MACROD2: variants seen among roughly 807,000 people sequenced by gnomAD.
MACROD2 encodes mono-ADP ribosylhydrolase 2.
A neutral mutation model predicts 70.4 loss-of-function variants in MACROD2; 36 were observed. The ratio of observed to expected loss-of-function variants is 0.51; its 90% CI spans 0.39 to 0.68. The LOEUF (loss-of-function observed/expected upper bound fraction) is 0.68, where lower values mean the gene tolerates loss of function less well. Among genes scored for constraint, MACROD2 ranks in the 30% least tolerant of loss-of-function variants. MACROD2 has a pLI of 0.00. For synonymous variants in MACROD2, 172 were observed against 178.8 expected, an observed-to-expected ratio of 0.96 and a Z score of 0.30; for missense variants, 496 against 538.4, an observed-to-expected ratio of 0.92 and a Z score of 0.78.
chr20:15,811,469 C>T (rs1250893841), intron 8 of MACROD2, among the ~76,000 whole-genome samples: 2 of 152,164 alleles, frequency 1.3e-5, no homozygotes, highest in Admixed American at 1.3e-4. Flanking sequence ...TTAAGTAGCT[C>T]CCCTGTATTC....
In MACROD2 at chr20:15,145,207, C is replaced by T. The variant is rs559089449; in HGVS notation, c.419-84733C>T. 3.9e-5 allele frequency among the ~76,000 whole-genome samples: 6 copies of T among 152,214 alleles called. No individual in the cohort carries two copies. In the East Asian group the frequency reaches 7.7e-4, roughly 20 times the overall value. On this transcript the variant is annotated intron_variant, in intron 5 of 17. Coordinates refer to ENST00000684519, the MANE Select transcript of MACROD2 (RefSeq NM_001351661.2). ...TTCACAGATGACATTTGGTGGTCAA[C>T]GCTATGCTTCCTCATACTGATTTGG...
chr20:15,679,244 A>C (rs1215682019), intron 8 of MACROD2, among the ~76,000 whole-genome samples: 1 of 151,724 alleles, frequency 6.6e-6, no homozygotes, highest in Non-Finnish European at 1.5e-5. Context: ...CTCAAAAAAA[A>C]AAAAAAAAAG....
chr20:14,021,745 T>G (rs569359103), intron 2 of MACROD2, among the ~76,000 whole-genome samples: 45 of 152,352 alleles, frequency 3.0e-4, no homozygotes, highest in African/African-American at 1.1e-3. Flanking sequence ...CAATAAAGTT[T>G]ATTTCTAGTT....
Position 15,907,627 on chromosome 20 carries a change from CAT to C in MACROD2, c.775+21817_775+21818del, listed in dbSNP as rs376126432. Among the ~76,000 whole-genome samples the C allele has an allele frequency of 1.2e-3, 182 of 152,310 alleles. 1 individual carries two copies. The highest frequency in any genetic ancestry group is 4.3e-3 in the African/African-American group (177 of 41,558). ...TTTTTATTGTAAGTGTTAAAATACA[CAT>C]GAGACAAAGGTCACATTTCTACGCT... On this transcript the variant is annotated intron_variant, in intron 10 of 17. Transcript: ENST00000684519.
chr20:15,429,467 C>T, intron 6 of MACROD2, among the ~76,000 whole-genome samples: 1 of 152,096 alleles, frequency 6.6e-6, no homozygotes, highest in Admixed American at 6.6e-5. Flanking sequence ...TACAGACATA[C>T]AGTTGAGCTT....
intron 8 of MACROD2, among the ~76,000 whole-genome samples, chr20:15,708,968 G>C (rs2050581616): frequency 6.6e-6 from 1 of 152,170 alleles, no homozygotes; most frequent in Admixed American, 6.5e-5. Flanking sequence ...TGAAGCTGCA[G>C]TGAGCTATGA....
intron 3 of MACROD2, among the ~76,000 whole-genome samples, chr20:14,297,919 T>G (rs746047409): frequency 6.6e-6 from 1 of 151,814 alleles, no homozygotes; most frequent in African/African-American, 2.4e-5. Flanking sequence ...GCTAATGCAG[T>G]GGGTAGCTTT....
chr20:15,127,559 G>T (rs1305785327), intron 5 of MACROD2, among the ~76,000 whole-genome samples: 1 of 152,040 alleles, frequency 6.6e-6, no homozygotes, highest in Non-Finnish European at 1.5e-5. Flanking sequence ...GGTTGGAGCT[G>T]GAGGCTCTAT....
At chr20:16,039,046 G>C (rs1039528095) in intron 15 of MACROD2, among the ~76,000 whole-genome samples, 1 of 151,864 alleles carries the variant, frequency 6.6e-6, no homozygotes, top group Non-Finnish European at 1.5e-5. Flanking sequence ...TTCAAGTTTT[G>C]CTCCCTGCCC....
At chr20:14,544,309 T>C (rs2085466901) in intron 4 of MACROD2, among the ~76,000 whole-genome samples, 1 of 152,022 alleles carries the variant, frequency 6.6e-6, no homozygotes, top group African/African-American at 2.4e-5. Flanking sequence ...TTACTTTTTA[T>C]GGGTGGCAGC....
At chr20:14,877,021 G>A (rs2073558558) in intron 5 of MACROD2, among the ~76,000 whole-genome samples, 1 of 152,036 alleles carries the variant, frequency 6.6e-6, no homozygotes, top group South Asian at 2.1e-4. Context: ...TAATTTGTTA[G>A]GAATAGCAGT....
intron 3 of MACROD2, among the ~76,000 whole-genome samples, chr20:14,167,641 C>T (rs546426875): frequency 3.9e-5 from 6 of 152,066 alleles, no homozygotes; most frequent in South Asian, 4.2e-4. Context: ...CCACCCACCT[C>T]GGCCTCCAAA....
At chr20:15,376,461 A>G (rs2045563701) in intron 6 of MACROD2, among the ~76,000 whole-genome samples, 2 of 152,184 alleles carry the variant, frequency 1.3e-5, no homozygotes, top group African/African-American at 4.8e-5. Context: ...CCGCTGGAAA[A>G]TAAAAGTGAA....
chr20:14,396,993 T>TA (rs1435094686), intron 3 of MACROD2, among the ~76,000 whole-genome samples: 2 of 144,538 alleles, frequency 1.4e-5, no homozygotes, highest in African/African-American at 2.5e-5. Context: ...CATTTACTTT[T>TA]TTTTTTTTTT....
At chr20:15,763,266 G>T (rs760970067) in intron 8 of MACROD2, among the ~76,000 whole-genome samples, 4 of 152,108 alleles carry the variant, frequency 2.6e-5, no homozygotes, top group African/African-American at 2.4e-5. Context: ...TCCTGATTGC[G>T]CTCAGTGGCA....
chr20:15,673,746 A>G (rs2050014976), intron 8 of MACROD2, among the ~76,000 whole-genome samples: 1 of 151,706 alleles, frequency 6.6e-6, no homozygotes, highest in Admixed American at 6.6e-5. Context: ...TGTTCTAGGT[A>G]TAATACTTTA....
At chr20:15,662,673 A>T (rs1256940131) in intron 8 of MACROD2, among the ~76,000 whole-genome samples, 1 of 151,626 alleles carries the variant, frequency 6.6e-6, no homozygotes, top group Non-Finnish European at 1.5e-5. Context: ...CTGATCAAAG[A>T]CCAAAGTCAT....
intron 15 of MACROD2, among the ~76,000 whole-genome samples, chr20:15,995,597 G>GCC (rs1157588014): frequency 2.1e-5 from 3 of 144,016 alleles, no homozygotes; most frequent in Non-Finnish European, 3.0e-5. Context: ...TGATCTGCCT[G>GCC]CCTCGGCCTC....
intron 5 of MACROD2, among the ~76,000 whole-genome samples, chr20:15,007,468 A>T (rs1173264735): frequency 6.6e-6 from 1 of 152,186 alleles, no homozygotes; most frequent in Non-Finnish European, 1.5e-5. Flanking sequence ...GAGATAATGG[A>T]AATTGTAATA....
Sources: allele counts gnomAD v4.1 joint callset (sites outside exome capture counted in the v4.1 genomes callset), GRCh38; gene constraint gnomAD v4.1.1; transcripts MANE v1.5; gene names NCBI Gene and HGNC (gene_info 2026-07-23, HGNC 2026-07-21).